Variants in GLIS1 observed in about 807,000 individuals in gnomAD.
The protein encoded by GLIS1 is zinc finger protein GLIS1.
In GLIS1, 24 loss-of-function variants were observed where a neutral mutation model predicts 63.8. The ratio of observed to expected loss-of-function variants is 0.38; its 90% CI spans 0.27 to 0.53. GLIS1 has a LOEUF of 0.53. Ranked by LOEUF, GLIS1 falls within the 20% of genes least tolerant of loss-of-function variation. The pLI, the probability that GLIS1 is intolerant of heterozygous loss-of-function variation, is 0.85. For missense variants in GLIS1, 1,036 were observed against 1,074.1 expected (o/e 0.96, Z 0.50); for synonymous variants, 450 against 482.5 (o/e 0.93, Z 0.88).
At chr1:53,508,200 C>A (rs1418432551) in intron 10 of GLIS1, among the ~76,000 whole-genome samples, 1 of 152,226 alleles carries the variant, frequency 6.6e-6, no homozygotes. Context: ...CAGCTCCTGA[C>A]ACTCACGGGG....
At chr1:53,604,931 TGTATATATATAC>T in intron 2 of GLIS1, among the ~76,000 whole-genome samples, 1 of 10,394 alleles carries the variant, frequency 9.6e-5, no homozygotes, top group African/African-American at 1.0e-4. Flanking sequence ...TGTGTGTGTG[TGTATATATATAC>T]ATATATATAT....
chr1:53,715,681 TG>T (rs1248435403), intron 2 of GLIS1, among the ~76,000 whole-genome samples: 1 of 151,990 alleles, frequency 6.6e-6, no homozygotes, highest in Non-Finnish European at 1.5e-5. Context: ...AAGAAGGAGC[TG>T]CCGGTGCAGG....
At chr1:53,569,511 A>C (rs1243763979) in intron 4 of GLIS1, among the ~76,000 whole-genome samples, 1 of 152,180 alleles carries the variant, frequency 6.6e-6, no homozygotes, top group African/African-American at 2.4e-5. Context: ...TCTGAGAGAA[A>C]GAGTCCATAA....
chr1:53,602,479 G>C (rs1471049046), intron 2 of GLIS1, among the ~76,000 whole-genome samples: 1 of 152,098 alleles, frequency 6.6e-6, no homozygotes, highest in African/African-American at 2.4e-5. Flanking sequence ...GTGCCGTTCA[G>C]AGCTTCCTTC....
chr1:53,599,353 A>G (rs985057543), intron 3 of GLIS1, among the ~76,000 whole-genome samples: 3 of 152,160 alleles, frequency 2.0e-5, no homozygotes, highest in African/African-American at 7.2e-5. Flanking sequence ...TGGTGCCTTT[A>G]TAAGACGAAA....
intron 4 of GLIS1, among the ~76,000 whole-genome samples, chr1:53,586,527 C>T (rs72904949): frequency 0.031 from 4,682 of 152,286 alleles, 259 homozygotes; most frequent in African/African-American, 0.11. Context: ...CTGTCCAGAA[C>T]GGCCAGGACC....
chr1:53,602,030 C>T (rs750491497), intron 2 of GLIS1, among the ~76,000 whole-genome samples: 8 of 152,150 alleles, frequency 5.3e-5, no homozygotes, highest in Non-Finnish European at 1.2e-4. Flanking sequence ...CAGCCACACG[C>T]GAGCCCGTGG....
At chr1:53,659,020 G>C (rs560912032) in intron 2 of GLIS1, among the ~76,000 whole-genome samples, 2 of 152,174 alleles carry the variant, frequency 1.3e-5, no homozygotes, top group Non-Finnish European at 2.9e-5. Context: ...CTATGAATGC[G>C]GATCGTGGCA....
intron 4 of GLIS1, among the ~76,000 whole-genome samples, chr1:53,590,918 G>A (rs1645186212): frequency 6.6e-6 from 1 of 152,212 alleles, no homozygotes. Flanking sequence ...AGGCCTGCCT[G>A]GTGCCGGAGC....
chr1:53,524,688 A>G (rs1159740477), intron 6 of GLIS1, 89 bp downstream of exon 6: 3 of 836,630 alleles, frequency 3.6e-6, no homozygotes, highest in Middle Eastern at 2.3e-4. Flanking sequence ...GTGGGTGGGC[A>G]GATGCATGTG....
At chr1:53,669,020 T>C (rs897851939) in intron 2 of GLIS1, among the ~76,000 whole-genome samples, 1 of 152,162 alleles carries the variant, frequency 6.6e-6, no homozygotes, top group African/African-American at 2.4e-5. Flanking sequence ...AACCCCCACA[T>C]GAGTCACCAA....
chr1:53,734,163 T>C, intron 2 of GLIS1: 1 of 985,176 alleles, frequency 1.0e-6, no homozygotes, highest in African/African-American at 1.7e-5. Context: ...GTGATCAACC[T>C]CTTTTTTATT....
chr1:53,514,039 C>T (rs1167126722), intron 8 of GLIS1, among the ~76,000 whole-genome samples: 2 of 152,230 alleles, frequency 1.3e-5, no homozygotes, highest in African/African-American at 4.8e-5. Context: ...CAGCAATTAA[C>T]ACATTCACCA....
Position 53,528,303 on chromosome 1 carries a change from G to A in GLIS1, c.1482+1488C>T, listed in dbSNP as rs376425842. Among the ~76,000 whole-genome samples the A allele has an allele frequency of 3.3e-5, 5 of 152,308 alleles. No individual in the cohort carries two copies. In the South Asian group the frequency reaches 1.0e-3, roughly 32 times the overall value. On this transcript the variant is annotated intron_variant, in intron 5 of 10. Transcript: ENST00000628545. ...CCTTCCTTGCCACCCTCACCCCTCT[G>A]CTCTGCTGCATCCCCCAAGATGCCT...
chr1:53,578,382 A>G, intron 4 of GLIS1, among the ~76,000 whole-genome samples: 1 of 152,188 alleles, frequency 6.6e-6, no homozygotes, highest in East Asian at 1.9e-4. Context: ...GCTTTTCTCA[A>G]ATAATAGTAG....
intron 2 of GLIS1, among the ~76,000 whole-genome samples, chr1:53,667,829 A>T (rs1646110193): frequency 6.6e-6 from 1 of 152,194 alleles, no homozygotes; most frequent in Non-Finnish European, 1.5e-5. Context: ...TCATGGCCTA[A>T]TCACCTGTTA....
intron 2 of GLIS1, among the ~76,000 whole-genome samples, chr1:53,700,785 C>G (rs1371330441): frequency 2.6e-5 from 4 of 152,322 alleles, no homozygotes; most frequent in African/African-American, 9.6e-5. Context: ...CCTATTTCCC[C>G]TCCTCCCAGC....
In GLIS1 at chr1:53,539,494, C is replaced by T. The variant is rs1284077539; in HGVS notation, c.1321-9542G>A. Reference sequence around the variant, plus strand: ...TCATACCTCCCACACACACGTACCACACCCCCAACATACACACACCACACC... The same window carrying T: ...TCATACCTCCCACACACACGTACCATACCCCCAACATACACACACCACACC... On this transcript the variant is annotated intron_variant, in intron 4 of 10. Transcript: ENST00000628545. The surrounding 1 kb of genome is among the most constrained non-coding windows in gnomAD (Gnocchi z 5.0). Among the ~76,000 whole-genome samples, 1 of 149,948 alleles carries T rather than the reference C, an allele frequency of 6.7e-6. No individual in the cohort carries two copies. Among genetic ancestry groups the T allele is most frequent in the Non-Finnish European group, 1.5e-5 (1 of 67,510 alleles).
intron 4 of GLIS1, among the ~76,000 whole-genome samples, chr1:53,546,230 A>G (rs540126): frequency 0.58 from 88,839 of 152,114 alleles, 26,337 homozygotes; most frequent in Middle Eastern, 0.65. Flanking sequence ...TGACAGGCAG[A>G]CTCACTCCTA....
Sources: allele counts gnomAD v4.1 joint callset (sites outside exome capture counted in the v4.1 genomes callset), GRCh38; gene constraint gnomAD v4.1.1; non-coding constraint Gnocchi (gnomAD v3.1); transcripts MANE v1.5; gene names NCBI Gene and HGNC (gene_info 2026-07-23, HGNC 2026-07-21).